The following MEF2C variants were observed in gnomAD, a reference collection of about 807,000 sequenced individuals.
MEF2C encodes the protein myocyte enhancer factor 2C.
MEF2C carries 6 observed loss-of-function variants against 50.5 expected under a neutral mutation model. The ratio of observed to expected loss-of-function variants is 0.12; its 90% CI spans 0.07 to 0.23. The LOEUF is 0.23. Among genes scored for constraint, MEF2C ranks in the 10% least tolerant of loss-of-function variants. The pLI is 1.00. For missense variants in MEF2C, 276 were observed against 605.0 expected (o/e 0.46, Z 5.70); for synonymous variants, 183 against 228.0 (o/e 0.80, Z 1.78).
At chr5:88,782,555 C>G (rs186647909) in intron 3 of MEF2C, among the ~76,000 whole-genome samples, 132 of 152,216 alleles carry the variant, frequency 8.7e-4, no homozygotes, top group African/African-American at 1.3e-3. Context: ...TTTTAATACA[C>G]TGTATGTGAT....
Position 88,729,335 on chromosome 5 carries a change from T to G in MEF2C, c.847A>C (p.Asn283His). 1 of 1,609,072 alleles carries G rather than the reference T, an allele frequency of 6.2e-7. No individual in the cohort carries two copies. Among genetic ancestry groups the G allele is most frequent in the East Asian group, 2.2e-5 (1 of 44,656 alleles). ...DVDLLLNQRINNSQSAQSLAT... is the reference protein window; with the variant it reads ...DVDLLLNQRIHNSQSAQSLAT... ...AATGACTGAGCCGACTGGGAGTTAT[T>G]TATCCTTTGATTCTTTTAAAATAAA... Residue 283 changes from asparagine to histidine, a missense_variant, in exon 9 of 11, where the codon AAT becomes CAT. Asn to His is a moderately conservative substitution (Grantham distance 68). Transcript: ENST00000504921.
At chr5:88,773,415 A>G (rs918415351) in intron 3 of MEF2C, among the ~76,000 whole-genome samples, 8 of 152,224 alleles carry the variant, frequency 5.3e-5, no homozygotes, top group African/African-American at 1.9e-4. Flanking sequence ...TTATAAAAGG[A>G]AAAAATCACG....
At chr5:88,804,490 T>G in intron 3 of MEF2C, 108 bp downstream of exon 3, 2 of 965,738 alleles carry the variant, frequency 2.1e-6, no homozygotes, top group Non-Finnish European at 3.2e-6. Context: ...TATGGGACTA[T>G]GAACATCTTA....
intron 1 of MEF2C, among the ~76,000 whole-genome samples, chr5:88,871,196 G>A (rs1167101431): frequency 1.3e-5 from 2 of 151,928 alleles, no homozygotes; most frequent in African/African-American, 2.4e-5. Flanking sequence ...GACTGAAGCA[G>A]CTGCAGTCAA....
intron 3 of MEF2C, among the ~76,000 whole-genome samples, chr5:88,763,185 T>C (rs1460244499): frequency 6.6e-6 from 1 of 152,224 alleles, no homozygotes; most frequent in Non-Finnish European, 1.5e-5. Flanking sequence ...AATGTTTGAA[T>C]ATTAAAATGA....
At chr5:88,733,025 T>C (rs901593985) in intron 6 of MEF2C, 8 of 960,988 alleles carry the variant, frequency 8.3e-6, no homozygotes, top group Non-Finnish European at 9.9e-6. Flanking sequence ...TGAAATCTCT[T>C]TGTGGTAATC....
At chr5:88,754,046 C>A (rs1774093801) in intron 4 of MEF2C, among the ~76,000 whole-genome samples, 1 of 152,200 alleles carries the variant, frequency 6.6e-6, no homozygotes, top group Non-Finnish European at 1.5e-5. Flanking sequence ...CCAGACCCAC[C>A]CTCTAGCCCC....
At chr5:88,733,727 C>T (rs1161610195) in intron 6 of MEF2C, 11 of 985,086 alleles carry the variant, frequency 1.1e-5, no homozygotes, top group Non-Finnish European at 1.3e-5. Flanking sequence ...CAAATAACTA[C>T]AAGATTAAGT....
intron 3 of MEF2C, among the ~76,000 whole-genome samples, chr5:88,795,429 G>T (rs765715981): frequency 2.0e-5 from 3 of 151,864 alleles, no homozygotes; most frequent in Non-Finnish European, 4.4e-5. Context: ...GTTCACTCAT[G>T]ATTTCTCTGT....
chr5:88,738,760 A>ACACAC, intron 6 of MEF2C: 1 of 985,394 alleles, frequency 1.0e-6, no homozygotes, highest in Non-Finnish European at 1.2e-6. Flanking sequence ...AGTTTGAGGG[A>ACACAC]CATGTTGTAA....
Position 88,844,374 on chromosome 5 carries a change from G to A in MEF2C, c.-142-20444C>T, listed in dbSNP as rs1421256058. Among the ~76,000 whole-genome samples, 5 of 152,164 alleles carry A rather than the reference G, an allele frequency of 3.3e-5. No homozygotes were observed. The South Asian group carries it at 1.0e-3, about 31-fold the overall frequency. On this transcript the variant is annotated intron_variant, in intron 1 of 10. Coordinates refer to ENST00000504921, the MANE Select transcript of MEF2C (RefSeq NM_002397.5). ...GTCCAAGTTCTCAAAAAGGCCTAAG[G>A]AAATATTTTTATCATGTTGTTTTAA...
At chr5:88,741,659 A>G (rs948343000) in intron 6 of MEF2C, 15 of 974,864 alleles carry the variant, frequency 1.5e-5, no homozygotes, top group South Asian at 4.7e-5. Flanking sequence ...CTACTATATT[A>G]TAATGTTCTA....
chr5:88,807,548 G>A (rs1486648178), intron 2 of MEF2C, among the ~76,000 whole-genome samples: 1 of 152,098 alleles, frequency 6.6e-6, no homozygotes, highest in Non-Finnish European at 1.5e-5. Context: ...TTTAAATAAA[G>A]TTCTTTGAGT....
intron 1 of MEF2C, among the ~76,000 whole-genome samples, chr5:88,849,256 T>C (rs1211138132): frequency 6.6e-6 from 1 of 152,066 alleles, no homozygotes; most frequent in Non-Finnish European, 1.5e-5. Flanking sequence ...TAAAAAGCAT[T>C]CATAAATCCA....
chr5:88,733,120 T>C lies in MEF2C; in HGVS notation c.638-1219A>G, dbSNP rs990841607. On this transcript the variant is annotated intron_variant, in intron 6 of 10. Transcript: ENST00000504921. The stretch of plus-strand genomic sequence containing the variant: ...GCAGAGTAATCCAGATTAAGTGTTA[T>C]TGAGTTCCCGGGAGAGAAGAGGTGA... 1.0e-4 allele frequency: 101 copies of C among 985,142 alleles called. 2 individuals are homozygous for C. The highest frequency in any genetic ancestry group is 4.7e-5 in the South Asian group (1 of 21,284). 61.0% of individuals were successfully genotyped at this position (985,142 alleles called of 1,614,324 possible).
At chr5:88,731,114 GT>G (rs1223834403) in intron 7 of MEF2C, among the ~76,000 whole-genome samples, 1 of 152,068 alleles carries the variant, frequency 6.6e-6, no homozygotes, top group African/African-American at 2.4e-5. Flanking sequence ...CTTTTTTGAT[GT>G]AAAATATAAC....
At chr5:88,817,207 G>A (rs1251221007) in intron 2 of MEF2C, among the ~76,000 whole-genome samples, 1 of 151,862 alleles carries the variant, frequency 6.6e-6, no homozygotes, top group Non-Finnish European at 1.5e-5. Flanking sequence ...TTTCTATTAG[G>A]TTATTAAGAT....
intron 3 of MEF2C, among the ~76,000 whole-genome samples, chr5:88,765,556 A>G (rs1359623151): frequency 6.6e-6 from 1 of 152,250 alleles, no homozygotes; most frequent in Non-Finnish European, 1.5e-5. Flanking sequence ...ATATGAACGA[A>G]AGGGCTGACT....
At chr5:88,742,643 C>A (rs1451662567) in intron 6 of MEF2C, 3 of 985,176 alleles carry the variant, frequency 3.0e-6, no homozygotes, top group Non-Finnish European at 3.6e-6. Flanking sequence ...AAATCAAACT[C>A]CTTAAGAATG....
Sources: allele counts gnomAD v4.1 joint callset (sites outside exome capture counted in the v4.1 genomes callset), GRCh38; gene constraint gnomAD v4.1.1; transcripts MANE v1.5; gene names NCBI Gene and HGNC (gene_info 2026-07-23, HGNC 2026-07-21).